BRD8: variants seen among roughly 807,000 people sequenced by gnomAD.
BRD8 encodes bromodomain containing 8.
Under a neutral mutation model 143.1 loss-of-function variants are expected in BRD8, and 67 were observed. The observed-to-expected ratio is 0.47, with a 90% CI of 0.38 to 0.57. The LOEUF (loss-of-function observed/expected upper bound fraction) is 0.57, where lower values mean the gene tolerates loss of function less well. BRD8 is among the 20% of genes least tolerant of loss of function. The pLI, the probability that BRD8 is intolerant of heterozygous loss-of-function variation, is 0.00. For missense variants in BRD8, 1,103 were observed against 1,503.0 expected, an observed-to-expected ratio of 0.73 and a Z score of 4.40; for synonymous variants, 505 against 517.1, an observed-to-expected ratio of 0.98 and a Z score of 0.32.
chr5:138,160,198 G>A (rs766094369), intron 18 of BRD8, 25 bp from the exon 19 acceptor site: 4 of 1,556,490 alleles, frequency 2.6e-6, no homozygotes, highest in Non-Finnish European at 3.5e-6. Context: ...AACAGGGTAG[G>A]CCATGGAGAC....
At chr5:138,159,530 C>T (rs1752842663) in intron 20 of BRD8, 25 bp downstream of exon 20, 1 of 1,612,866 alleles carries the variant, frequency 6.2e-7, no homozygotes, top group Non-Finnish European at 8.5e-7. Context: ...GGCAACACCA[C>T]CCCTTGCAGC....
chr5:138,157,402 G>T, intron 20 of BRD8: 1 of 1,111,232 alleles, frequency 9.0e-7, no homozygotes, highest in Non-Finnish European at 1.3e-6. Context: ...GGGATGAGGG[G>T]CATATTTCTG....
At chr5:138,161,643 T>C (rs772512846) in intron 17 of BRD8, among the ~76,000 whole-genome samples, 153 bp downstream of exon 17, 4 of 152,238 alleles carry the variant, frequency 2.6e-5, no homozygotes, top group Non-Finnish European at 4.4e-5. Flanking sequence ...AGTGGTGATC[T>C]AGCCACTGGA....
At position 138,171,988 on chromosome 5, in the gene BRD8, T is replaced by C. The variant is rs188409902; in HGVS notation, c.186+77A>G. 156 of 1,103,286 alleles carry C rather than the reference T, an allele frequency of 1.4e-4. 1 individual carries two copies. In the African/African-American group the frequency reaches 2.2e-3, roughly 16 times the overall value. 68.3% of individuals were successfully genotyped at this position (1,103,286 alleles called of 1,614,324 possible). On this transcript the variant is annotated intron_variant, in intron 3 of 26. Coordinates refer to ENST00000254900, the MANE Select transcript of BRD8 (RefSeq NM_139199.2). ...CATCATGGTATAAAAGCTTTGTAAC[T>C]AAAAGTCAGGGCCTGGTAGAGAACC...
rs187537231 is a variant in BRD8, at chr5:138,152,270, G to A, written c.2856+212C>T. ...CTCCCAAAGTGCTGGGATTACAGGC[G>A]TGAGCCACTGCACCCGGCCCAAAAA... On this transcript the variant is annotated intron_variant, in intron 21 of 26. Coordinates refer to ENST00000254900, the MANE Select transcript of BRD8 (RefSeq NM_139199.2). 2.1e-3 allele frequency among the ~76,000 whole-genome samples: 327 copies of A among 152,132 alleles called. 2 individuals are homozygous for A. Among genetic ancestry groups the A allele is most frequent in the African/African-American group, 7.4e-3 (308 of 41,494 alleles).
chr5:138,140,115 C>T lies in BRD8; in HGVS notation c.3667G>A (p.Glu1223Lys), dbSNP rs1447100485. 6 of 1,613,916 alleles carry T rather than the reference C, an allele frequency of 3.7e-6. No individual in the cohort carries two copies. The highest frequency in any genetic ancestry group is 5.1e-6 in the Non-Finnish European group (6 of 1,179,926). Reference sequence around the variant, plus strand: ...CCATCATCCACTGGGTTAGCTGGTTCTCCTTCCAGACTACTTGAGCCTTTT... The same window carrying T: ...CCATCATCCACTGGGTTAGCTGGTTTTCCTTCCAGACTACTTGAGCCTTTT... The part of the protein sequence containing the change: ...KRKGSSSLEG[E>K]PANPVDDGKP... Residue 1223 changes from glutamate (E) to lysine (K), a missense_variant, in exon 27 of 27, where the codon GAA (glutamate) becomes AAA (lysine). By Grantham distance (56) the Glu-to-Lys change is moderately conservative (BLOSUM62 1). Coordinates refer to ENST00000254900, the MANE Select transcript of BRD8 (RefSeq NM_139199.2).
In BRD8 at chr5:138,178,110, C is replaced by T. The variant is rs561232710; in HGVS notation, c.20-443G>A. Among the ~76,000 whole-genome samples the T allele has an allele frequency of 3.3e-5, 5 of 152,232 alleles. No homozygotes were observed. The South Asian group carries it at 8.3e-4, about 25-fold the overall frequency. On this transcript the variant is annotated intron_variant, in intron 1 of 26. Coordinates refer to ENST00000254900, the MANE Select transcript of BRD8 (RefSeq NM_139199.2). ...TTTACTTCTCTCAGATCCTCTACTCCAAATGTCGGGGGTAAAAGAGCTTTT... is the reference window on the plus strand; with the variant it reads ...TTTACTTCTCTCAGATCCTCTACTCTAAATGTCGGGGGTAAAAGAGCTTTT...
intron 20 of BRD8, chr5:138,156,983 G>A (rs576525393): frequency 3.7e-6 from 5 of 1,343,496 alleles, no homozygotes; most frequent in East Asian, 2.8e-5. Flanking sequence ...AACTAGCTAC[G>A]ATCTGCTAGC....
In BRD8 at chr5:138,171,382, A is replaced by G; in HGVS notation, c.215T>C (p.Leu72Ser). 6.2e-7 allele frequency: 1 copy of G among 1,606,262 alleles called. No homozygotes were observed. The highest frequency in any genetic ancestry group is 8.5e-7 in the Non-Finnish European group (1 of 1,177,632). ...TCACTTTGGTGTCTCAGTGGTCTCT[A>G]AAAGCTCCGAGTACTGGGAAGCACA... ...KHCASQYSEL[L>S]ETTETPKRKR... The change falls in exon 4 of 27, where the codon TTA becomes TCA. Residue 72 changes from leucine to serine, a missense_variant. Physicochemically the swap from Leu to Ser is moderately radical, Grantham distance 145. This residue lies in a region of BRD8 where 69 missense variants were observed against 121.6 expected (regional missense o/e 0.57). Transcript: ENST00000254900.
intron 18 of BRD8, 136 bp downstream of exon 18, chr5:138,160,755 A>G: frequency 1.4e-6 from 1 of 722,764 alleles, no homozygotes; most frequent in Non-Finnish European, 2.1e-6. Flanking sequence ...TAAGAACAAA[A>G]TATTATGTTT....
intron 15 of BRD8, among the ~76,000 whole-genome samples, chr5:138,162,440 C>T (rs1454007733): frequency 6.6e-6 from 1 of 152,048 alleles, no homozygotes; most frequent in African/African-American, 2.4e-5. Context: ...CAGCGATCCT[C>T]CTGCCTTAGC....
intron 2 of BRD8, among the ~76,000 whole-genome samples, chr5:138,174,572 C>T (rs1017728714): frequency 5.4e-5 from 8 of 149,090 alleles, no homozygotes; most frequent in East Asian, 2.0e-4. Flanking sequence ...CTCCAGCCTG[C>T]GCAACAGAGA....
At chr5:138,169,518 T>A in intron 7 of BRD8, 160 bp from the exon 8 acceptor site, 1 of 769,952 alleles carries the variant, frequency 1.3e-6, no homozygotes, top group Non-Finnish European at 1.9e-6. Flanking sequence ...TAGAGATGGA[T>A]AACTTTTTAG....
At chr5:138,140,919 C>A in intron 25 of BRD8, 37 bp from the exon 26 acceptor site, 1 of 1,607,348 alleles carries the variant, frequency 6.2e-7, no homozygotes. Context: ...AAAATCAAAC[C>A]TTCATGTGGA....
At chr5:138,154,583 G>A (rs1044463864) in intron 20 of BRD8, among the ~76,000 whole-genome samples, 5 of 151,974 alleles carry the variant, frequency 3.3e-5, no homozygotes, top group Non-Finnish European at 7.4e-5. Flanking sequence ...TCTAACTCCT[G>A]GACTAATTGA....
intron 25 of BRD8, among the ~76,000 whole-genome samples, chr5:138,141,192 C>T (rs1751892732): frequency 6.6e-6 from 1 of 151,434 alleles, no homozygotes; most frequent in South Asian, 2.1e-4. Context: ...TGCAATGGAG[C>T]AATCTCAGCT....
At chr5:138,157,362 G>A (rs2151191642) in intron 20 of BRD8, 1 of 1,518,502 alleles carries the variant, frequency 6.6e-7, no homozygotes, top group East Asian at 2.3e-5. Context: ...TCTTGGGGGA[G>A]AGGGAAGAGA....
intron 2 of BRD8, chr5:138,172,575 C>T (rs542718960): frequency 3.5e-6 from 1 of 283,222 alleles, no homozygotes; most frequent in African/African-American, 2.8e-5. Flanking sequence ...TGCAATGGAC[C>T]GTGCCTGTAA....
At chr5:138,147,715 C>T (rs371177197) in intron 23 of BRD8, among the ~76,000 whole-genome samples, 7 of 152,248 alleles carry the variant, frequency 4.6e-5, no homozygotes, top group Admixed American at 2.0e-4. Context: ...GGCAGGGGAT[C>T]GCTTGAGTCC....
Sources: allele counts gnomAD v4.1 joint callset (sites outside exome capture counted in the v4.1 genomes callset), GRCh38; gene constraint gnomAD v4.1.1; regional missense constraint gnomAD v4.1.1; transcripts MANE v1.5; gene names NCBI Gene and HGNC (gene_info 2026-07-23, HGNC 2026-07-21).